Variants in OSBPL8 observed in about 807,000 individuals in gnomAD.
OSBPL8 encodes the protein oxysterol-binding protein-related protein 8.
Under a neutral mutation model 125.5 loss-of-function variants are expected in OSBPL8, and 59 were observed. The ratio of observed to expected loss-of-function variants is 0.47; its 90% confidence interval spans 0.38 to 0.58. OSBPL8 has a LOEUF of 0.58. Among genes scored for constraint, OSBPL8 ranks in the 20% least tolerant of loss-of-function variants. The probability of loss-of-function intolerance (pLI) is 0.00; values close to 1 mark genes in which losing one functional copy is unlikely to be tolerated. For synonymous variants in OSBPL8, 330 were observed against 338.9 expected (o/e 0.97, Z 0.29); for missense variants, 758 against 1,047.8 (o/e 0.72, Z 3.82).
At chr12:76,519,810 T>C (rs1444420642) in intron 1 of OSBPL8, among the ~76,000 whole-genome samples, 1 of 152,090 alleles carries the variant, frequency 6.6e-6, no homozygotes, top group Non-Finnish European at 1.5e-5. Context: ...CAAATCTGCA[T>C]GAACTGAGCA....
At chr12:76,528,688 A>T (rs562567708) in intron 1 of OSBPL8, among the ~76,000 whole-genome samples, 18 of 152,004 alleles carry the variant, frequency 1.2e-4, no homozygotes, top group African/African-American at 3.9e-4. Context: ...ACACACACAC[A>T]CCCACACAAC....
At chr12:76,550,893 T>C (rs1262260889) in intron 1 of OSBPL8, among the ~76,000 whole-genome samples, 1 of 151,846 alleles carries the variant, frequency 6.6e-6, no homozygotes, top group Non-Finnish European at 1.5e-5. Flanking sequence ...CTATGCAAAA[T>C]AGCGAAACCC....
At chr12:76,373,998 C>T (rs948348705) in intron 17 of OSBPL8, among the ~76,000 whole-genome samples, 2 of 152,082 alleles carry the variant, frequency 1.3e-5, no homozygotes, top group Admixed American at 6.6e-5. Flanking sequence ...ATCATATATA[C>T]TTAAGAACTC....
chr12:76,449,923 T>C (rs1032170662), intron 4 of OSBPL8, among the ~76,000 whole-genome samples: 3 of 152,178 alleles, frequency 2.0e-5, no homozygotes, highest in African/African-American at 4.8e-5. Flanking sequence ...TAGTCAAGTT[T>C]TGGCATATTA....
intron 12 of OSBPL8, 49 bp from the exon 13 acceptor site, chr12:76,386,709 T>C: frequency 7.6e-7 from 1 of 1,312,372 alleles, no homozygotes; most frequent in Non-Finnish European, 1.1e-6. Flanking sequence ...TATCACAAAT[T>C]CTCTCTCACA....
intron 4 of OSBPL8, among the ~76,000 whole-genome samples, chr12:76,445,194 G>C (rs2136686691): frequency 6.6e-6 from 1 of 152,116 alleles, no homozygotes; most frequent in East Asian, 1.9e-4. Context: ...CAGTAATGCA[G>C]GCATAAAATG....
chr12:76,515,044 GTA>G (rs1881395842), intron 1 of OSBPL8, among the ~76,000 whole-genome samples: 1 of 152,114 alleles, frequency 6.6e-6, no homozygotes, highest in Non-Finnish European at 1.5e-5. Context: ...TTCAATTCCT[GTA>G]TTGTTTTATT....
At chr12:76,394,795 A>C in intron 8 of OSBPL8, 66 bp from the exon 9 acceptor site, 1 of 1,036,402 alleles carries the variant, frequency 9.6e-7, no homozygotes, top group Non-Finnish European at 1.4e-6. Context: ...TCTTTACACT[A>C]TCCAATATTA....
chr12:76,415,540 G>A (rs574056555), intron 4 of OSBPL8, among the ~76,000 whole-genome samples: 1 of 152,258 alleles, frequency 6.6e-6, no homozygotes, highest in South Asian at 2.1e-4. Context: ...GAGCCACCAT[G>A]CCCATGCCCA....
chr12:76,465,834 C>T (rs919440174), intron 2 of OSBPL8, among the ~76,000 whole-genome samples: 2 of 151,740 alleles, frequency 1.3e-5, no homozygotes, highest in Non-Finnish European at 1.5e-5. Context: ...GGTGAAACCC[C>T]GTCTCTACCA....
chr12:76,460,176 G>C (rs1160386483), intron 2 of OSBPL8, among the ~76,000 whole-genome samples: 1 of 152,074 alleles, frequency 6.6e-6, no homozygotes. Context: ...TAAGTATTTT[G>C]TTTTGAAAAT....
intron 4 of OSBPL8, among the ~76,000 whole-genome samples, chr12:76,438,727 G>A (rs1395326462): frequency 6.6e-6 from 1 of 152,062 alleles, no homozygotes; most frequent in Non-Finnish European, 1.5e-5. Flanking sequence ...TTTATTAGTA[G>A]GATGATAACA....
At chr12:76,478,861 G>A (rs139059457) in intron 2 of OSBPL8, among the ~76,000 whole-genome samples, 2,001 of 152,208 alleles carry the variant, frequency 0.013, 31 homozygotes, top group African/African-American at 0.041. Flanking sequence ...CGAGGCGGGT[G>A]GATCATGACG....
intron 21 of OSBPL8, among the ~76,000 whole-genome samples, chr12:76,367,095 C>G (rs1470588735): frequency 1.3e-5 from 2 of 152,114 alleles, no homozygotes; most frequent in African/African-American, 4.8e-5. Context: ...CCCTTTCCTC[C>G]TTATTGATCT....
intron 1 of OSBPL8, among the ~76,000 whole-genome samples, chr12:76,550,725 C>T (rs1343416716): frequency 6.6e-6 from 1 of 152,154 alleles, no homozygotes; most frequent in African/African-American, 2.4e-5. Flanking sequence ...ATAAAAAGTA[C>T]AGCTACTGGT....
At chr12:76,538,155 T>C (rs964508403) in intron 1 of OSBPL8, among the ~76,000 whole-genome samples, 24 of 152,164 alleles carry the variant, frequency 1.6e-4, no homozygotes, top group African/African-American at 5.8e-4. Flanking sequence ...GGTTAAAGAA[T>C]AACCTTAACG....
At chr12:76,549,859 T>A (rs921461449) in intron 1 of OSBPL8, among the ~76,000 whole-genome samples, 9 of 151,860 alleles carry the variant, frequency 5.9e-5, no homozygotes, top group Non-Finnish European at 1.3e-4. Context: ...TTGCCTCTCA[T>A]ACATACTTCT....
In OSBPL8 at chr12:76,384,254, C is replaced by T. The variant is rs1192125931; in HGVS notation, c.1630G>A (p.Gly544Arg). 1 of 1,497,542 alleles carries T rather than the reference C, an allele frequency of 6.7e-7. No homozygotes were observed. The highest frequency in any genetic ancestry group is 9.1e-7 in the Non-Finnish European group (1 of 1,101,468). 92.8% of individuals were successfully genotyped at this position (1,497,542 alleles called of 1,614,324 possible). The change falls in exon 15 of 24, where the codon GGA (glycine) becomes AGA (arginine). Residue 544 changes from glycine (G) to arginine (R), a missense_variant and splice_region_variant. By Grantham distance (125) the Gly-to-Arg change is moderately radical. Around this residue, in one of 3 missense-constraint regions of OSBPL8, gnomAD observed 572 missense variants for 762.0 expected, o/e 0.75. Coordinates refer to ENST00000261183, the MANE Select transcript of OSBPL8 (RefSeq NM_020841.5). Reference sequence around the variant, plus strand: ...TGCAAGTTGGGACGGGAAAACTCACCATAAAACTTAGACTTAGCCAGGATA... The same window carrying T: ...TGCAAGTTGGGACGGGAAAACTCACTATAAAACTTAGACTTAGCCAGGATA... Reference protein sequence around the residue: ...GSILAKSKFYGNSLSAILEGE... With the variant: ...GSILAKSKFYRNSLSAILEGE...
At position 76,384,266 on chromosome 12, in the gene OSBPL8, A is replaced by G. The variant is rs1471880115; in HGVS notation, c.1618T>C (p.Ser540Pro). The change falls in exon 15 of 24, where the codon TCT becomes CCT. Residue 540 changes from serine to proline, a missense_variant. This residue lies in a region of OSBPL8 where 572 missense variants were observed against 762.0 expected (regional missense o/e 0.75). Coordinates refer to ENST00000261183, the MANE Select transcript of OSBPL8 (RefSeq NM_020841.5). ...FCLSGSILAK[S>P]KFYGNSLSAI... Reference sequence around the variant, plus strand: ...CGGGAAAACTCACCATAAAACTTAGACTTAGCCAGGATACTACCGCTAAGG... The same window carrying G: ...CGGGAAAACTCACCATAAAACTTAGGCTTAGCCAGGATACTACCGCTAAGG... The G allele has an allele frequency of 6.5e-7, 1 of 1,531,684 alleles. No homozygotes were observed. Among genetic ancestry groups the G allele is most frequent in the Admixed American group, 1.7e-5 (1 of 58,006 alleles). The allele number at this position is 1,531,684 out of a possible 1,614,324, so 94.9% of individuals were successfully genotyped here. A position where few individuals can be genotyped will look rare whatever the true frequency, so the allele number is the denominator to read the frequency against.
Sources: allele counts gnomAD v4.1 joint callset (sites outside exome capture counted in the v4.1 genomes callset), GRCh38; gene constraint gnomAD v4.1.1; regional missense constraint gnomAD v4.1.1; transcripts MANE v1.5; gene names NCBI Gene and HGNC (gene_info 2026-07-23, HGNC 2026-07-21).